GALNT5: variants seen among roughly 807,000 people sequenced by gnomAD.
GALNT5 encodes polypeptide N-acetylgalactosaminyltransferase 5.
Under a neutral mutation model 85.4 loss-of-function variants are expected in GALNT5, and 72 were observed. The observed-to-expected ratio is 0.84, with a 90% CI of 0.70 to 1.03. The LOEUF (loss-of-function observed/expected upper bound fraction) is 1.03. Among genes scored for constraint, GALNT5 ranks in the 50% least tolerant of loss-of-function variants. The pLI, the probability that GALNT5 is intolerant of heterozygous loss-of-function variation, is 0.00. For missense variants in GALNT5, 1,137 were observed against 1,135.5 expected (o/e 1.00, Z -0.02); for synonymous variants, 404 against 397.0 (o/e 1.02, Z -0.21).
chr2:157,305,849 A>T lies in GALNT5; in HGVS notation c.2520+20A>T, dbSNP rs1202517351. On this transcript the variant is annotated intron_variant, in intron 8 of 9. Transcript: ENST00000259056. ...AAAGAGGTATGCTAAACTGTTTTCT[A>T]TCTCATGGTAGCTGATAGGTGCAGG... is the stretch of plus-strand genomic sequence containing the variant. 7.2e-7 allele frequency: 1 copy of T among 1,386,628 alleles called. No individual in the cohort carries two copies. Among genetic ancestry groups the T allele is most frequent in the African/African-American group, 1.4e-5 (1 of 70,808 alleles). 85.9% of individuals were successfully genotyped at this position (1,386,628 alleles called of 1,614,324 possible).
chr2:157,271,102 CA>C (rs60440798), intron 1 of GALNT5, among the ~76,000 whole-genome samples: 21,963 of 131,500 alleles, frequency 0.17, 4,472 homozygotes, highest in African/African-American at 0.48. Context: ...GACTCTGTCT[CA>C]AAAAAAAAAA....
intron 8 of GALNT5, among the ~76,000 whole-genome samples, chr2:157,308,094 C>T (rs1683491578): frequency 1.3e-5 from 2 of 152,264 alleles, no homozygotes; most frequent in South Asian, 4.1e-4. Flanking sequence ...ATAAAATCTC[C>T]ACCCAAGAAA....
chr2:157,289,566 A>G (rs1456491772), intron 3 of GALNT5, among the ~76,000 whole-genome samples: 1 of 152,172 alleles, frequency 6.6e-6, no homozygotes, highest in East Asian at 1.9e-4. Flanking sequence ...CACTAAGGGA[A>G]TCTACAGCTC....
intron 5 of GALNT5, among the ~76,000 whole-genome samples, chr2:157,297,198 C>G (rs1395003848): frequency 2.0e-5 from 3 of 152,126 alleles, no homozygotes; most frequent in African/African-American, 7.2e-5. Context: ...TAAGCCAGCC[C>G]CAACAGAAAG....
chr2:157,258,140 G>T lies in GALNT5; in HGVS notation c.58G>T (p.Val20Leu), dbSNP rs772446293. Reference protein sequence around the residue: ...GSGRVLAFIFVASVIWLLFDM... With the variant: ...GSGRVLAFIFLASVIWLLFDM... ...TGGGCGAGTCTTGGCATTTATCTTTGTAGCTTCTGTCATCTGGCTCCTCTT... is the reference window on the plus strand; with the variant it reads ...TGGGCGAGTCTTGGCATTTATCTTTTTAGCTTCTGTCATCTGGCTCCTCTT... The change falls in exon 1 of 10, where the codon GTA (valine) becomes TTA (leucine). Residue 20 changes from valine (V) to leucine (L), a missense_variant. Coordinates refer to ENST00000259056, the MANE Select transcript of GALNT5 (RefSeq NM_014568.3). The T allele has an allele frequency of 1.9e-6, 3 of 1,613,972 alleles. No homozygotes were observed. The African/African-American group carries it at 4.0e-5, about 22-fold the overall frequency.
chr2:157,274,765 T>C (rs919917842), intron 1 of GALNT5, among the ~76,000 whole-genome samples: 51 of 152,226 alleles, frequency 3.4e-4, no homozygotes, highest in African/African-American at 1.2e-3. Context: ...AAAAATTTTC[T>C]CCCATTCTGT....
In GALNT5 at chr2:157,317,239, A is replaced by G. The variant is rs1006717933; in HGVS notation, c.*5891A>G. ...CTTTGATCTGGAAGAAAGAAATATCAAGAGTTTCTATTCACAACATAAAGA... is the reference window on the plus strand; with the variant it reads ...CTTTGATCTGGAAGAAAGAAATATCGAGAGTTTCTATTCACAACATAAAGA... On this transcript the variant is annotated 3_prime_UTR_variant, in exon 10 of 10. Transcript: ENST00000259056. 1.3e-5 allele frequency among the ~76,000 whole-genome samples: 2 copies of G among 148,944 alleles called. No individual in the cohort carries two copies. Among genetic ancestry groups the G allele is most frequent in the Non-Finnish European group, 3.0e-5 (2 of 67,322 alleles).
rs1176744153 is a variant in GALNT5 at position 157,311,194 on chromosome 2, T to G, written c.2683-14T>G. ...TCAGCCTGTGGCTCATTCCCAGCTCTTCTTTCTCTCCAGGTGAATCACATT... is the reference window on the plus strand; with the variant it reads ...TCAGCCTGTGGCTCATTCCCAGCTCGTCTTTCTCTCCAGGTGAATCACATT... On this transcript the variant is annotated splice_polypyrimidine_tract_variant and intron_variant, in intron 9 of 9. Coordinates refer to ENST00000259056, the MANE Select transcript of GALNT5 (RefSeq NM_014568.3). The G allele has an allele frequency of 8.1e-6, 13 of 1,602,706 alleles. No homozygotes were observed. Among genetic ancestry groups the G allele is most frequent in the African/African-American group, 1.3e-5 (1 of 74,384 alleles).
intron 3 of GALNT5, among the ~76,000 whole-genome samples, chr2:157,294,954 A>G (rs770216541): frequency 2.4e-5 from 2 of 83,274 alleles, no homozygotes; most frequent in African/African-American, 6.6e-5. Context: ...CTGGCCTCCA[A>G]GTTTCTTTTC....
intron 9 of GALNT5, among the ~76,000 whole-genome samples, chr2:157,309,012 G>A (rs1418221877): frequency 2.0e-5 from 3 of 151,992 alleles, no homozygotes; most frequent in African/African-American, 7.3e-5. Flanking sequence ...CAACAACACC[G>A]AAAGTCAGGC....
chr2:157,309,637 A>G (rs1683526411), intron 9 of GALNT5, among the ~76,000 whole-genome samples: 1 of 152,176 alleles, frequency 6.6e-6, no homozygotes, highest in Non-Finnish European at 1.5e-5. Flanking sequence ...CCCCAAAGTA[A>G]GCACCTTTGC....
At chr2:157,282,553 A>G (rs1682878548) in intron 1 of GALNT5, among the ~76,000 whole-genome samples, 1 of 152,130 alleles carries the variant, frequency 6.6e-6, no homozygotes, top group African/African-American at 2.4e-5. Context: ...AGTACCCCCT[A>G]TGTGTCAGAT....
chr2:157,268,492 C>A (rs1682507913), intron 1 of GALNT5, among the ~76,000 whole-genome samples: 1 of 152,198 alleles, frequency 6.6e-6, no homozygotes, highest in African/African-American at 2.4e-5. Flanking sequence ...AATATTTTTA[C>A]ATCCATTATC....
rs1470259461 is a variant in GALNT5 at position 157,257,937 on chromosome 2, G to A, written c.-146G>A. On this transcript the variant is annotated 5_prime_UTR_variant, in exon 1 of 10. Coordinates refer to ENST00000259056, the MANE Select transcript of GALNT5 (RefSeq NM_014568.3). ...CGGTAGGAACTGAGCTTTCCCCTTGGACTGCTGCTTCCTGCTGTGTTCAGG... is the reference window on the plus strand; with the variant it reads ...CGGTAGGAACTGAGCTTTCCCCTTGAACTGCTGCTTCCTGCTGTGTTCAGG... 5 of 777,278 alleles carry A rather than the reference G, an allele frequency of 6.4e-6. No homozygotes were observed. Among genetic ancestry groups the A allele is most frequent in the South Asian group, 4.9e-5 (3 of 61,650 alleles). The allele number at this position is 777,278 out of a possible 1,614,324, so 48.1% of individuals were successfully genotyped here.
chr2:157,288,409 T>C (rs1020168248), intron 3 of GALNT5, among the ~76,000 whole-genome samples: 9 of 152,178 alleles, frequency 5.9e-5, no homozygotes, highest in African/African-American at 2.2e-4. Flanking sequence ...GACGTAAAAA[T>C]AGGATACTCA....
At chr2:157,298,658 C>T (rs1245167748) in intron 5 of GALNT5, 1 of 152,254 alleles carries the variant, frequency 6.6e-6, no homozygotes, top group African/African-American at 2.4e-5. Context: ...GCTTGTGCCG[C>T]TTCGTTCATG....
In GALNT5 at chr2:157,312,421, A is replaced by G. The variant is rs181591217; in HGVS notation, c.*1073A>G. 1 of 152,168 alleles carries G rather than the reference A, an allele frequency of 6.6e-6. No homozygotes were observed. The highest frequency in any genetic ancestry group is 2.4e-5 in the African/African-American group (1 of 41,532). The allele number at this position is 152,168 out of a possible 1,614,324, so 9.4% of individuals were successfully genotyped here. A position where few individuals can be genotyped will look rare whatever the true frequency, so the allele number is the denominator to read the frequency against. ...ACAAGTCTTAGGAAGAGAGTTAAGAAAAAATTCCGCTGGACTTGGCCAAAG... is the reference window on the plus strand; with the variant it reads ...ACAAGTCTTAGGAAGAGAGTTAAGAGAAAATTCCGCTGGACTTGGCCAAAG... On this transcript the variant is annotated 3_prime_UTR_variant, in exon 10 of 10. Transcript: ENST00000259056.
At chr2:157,301,192 T>C (rs1235941848) in intron 7 of GALNT5, among the ~76,000 whole-genome samples, 193 bp downstream of exon 7, 1 of 152,228 alleles carries the variant, frequency 6.6e-6, no homozygotes, top group East Asian at 1.9e-4. Context: ...TGTTCATTGA[T>C]TAACTCAACA....
chr2:157,291,272 G>C (rs1032662793), intron 3 of GALNT5, among the ~76,000 whole-genome samples: 5 of 152,128 alleles, frequency 3.3e-5, no homozygotes, highest in Non-Finnish European at 7.4e-5. Context: ...CAAAATTCCT[G>C]ACATTTCTAT....
Sources: allele counts gnomAD v4.1 joint callset (sites outside exome capture counted in the v4.1 genomes callset), GRCh38; gene constraint gnomAD v4.1.1; transcripts MANE v1.5; gene names NCBI Gene and HGNC (gene_info 2026-07-23, HGNC 2026-07-21).